CDH18: variants seen among roughly 807,000 people sequenced by gnomAD.
The protein encoded by CDH18 is cadherin-18.
A neutral mutation model predicts 67.9 loss-of-function variants in CDH18; 31 were observed. The observed-to-expected ratio is 0.46, with a 90% confidence interval of 0.34 to 0.62. The LOEUF is 0.62. Among genes scored for constraint, CDH18 ranks in the 20% least tolerant of loss-of-function variants. CDH18 has a pLI of 0.01. For synonymous variants in CDH18, 362 were observed against 347.2 expected (o/e 1.04, Z -0.48); for missense variants, 890 against 975.5 (o/e 0.91, Z 1.17).
At chr5:19,692,928 A>G (rs552697467) in intron 5 of CDH18, among the ~76,000 whole-genome samples, 1 of 152,138 alleles carries the variant, frequency 6.6e-6, no homozygotes, top group Admixed American at 6.6e-5. Flanking sequence ...TATCAAAGGT[A>G]TAACTACACC....
chr5:19,487,269 T>C (rs1259800519), intron 11 of CDH18, among the ~76,000 whole-genome samples: 1 of 152,154 alleles, frequency 6.6e-6, no homozygotes, highest in Non-Finnish European at 1.5e-5. Context: ...TATAGACATA[T>C]AGCCATAAGT....
intron 5 of CDH18, among the ~76,000 whole-genome samples, chr5:19,627,994 G>A (rs965775903): frequency 1.3e-5 from 2 of 152,124 alleles, no homozygotes; most frequent in African/African-American, 4.8e-5. Flanking sequence ...TTGAGCAGAG[G>A]AGTGATGATA....
intron 5 of CDH18, among the ~76,000 whole-genome samples, chr5:19,683,005 C>A (rs982920732): frequency 6.6e-6 from 1 of 151,712 alleles, no homozygotes; most frequent in Non-Finnish European, 1.5e-5. Context: ...AAGTTCTTTC[C>A]TTTTTTATAG....
chr5:20,528,493 C>T (rs1261749413), intron 1 of CDH18, among the ~76,000 whole-genome samples: 8 of 152,000 alleles, frequency 5.3e-5, no homozygotes, highest in East Asian at 3.9e-4. Context: ...AAATTGATCA[C>T]GTAATTGGAG....
chr5:19,811,075 A>G, intron 3 of CDH18, among the ~76,000 whole-genome samples: 1 of 141,458 alleles, frequency 7.1e-6, no homozygotes, highest in Non-Finnish European at 1.5e-5. Flanking sequence ...AGGGAGAAAG[A>G]GAAAAAGAAA....
At chr5:19,528,415 T>A (rs868678573) in intron 9 of CDH18, among the ~76,000 whole-genome samples, 1 of 151,678 alleles carries the variant, frequency 6.6e-6, no homozygotes, top group South Asian at 2.1e-4. Context: ...TAATAAAAAT[T>A]TCCTTATCAG....
chr5:19,583,293 G>T (rs1057006337), intron 7 of CDH18, among the ~76,000 whole-genome samples: 6 of 151,922 alleles, frequency 3.9e-5, no homozygotes, highest in African/African-American at 1.4e-4. Flanking sequence ...ACATTCAGAA[G>T]TTATAGAAAT....
chr5:19,811,184 A>T (rs910761024), intron 3 of CDH18, among the ~76,000 whole-genome samples: 1 of 150,224 alleles, frequency 6.7e-6, no homozygotes, highest in Admixed American at 6.7e-5. Flanking sequence ...GAGAAGAAAG[A>T]GGGAGAGAAA....
chr5:20,142,298 GC>G, intron 2 of CDH18, among the ~76,000 whole-genome samples: 1 of 152,036 alleles, frequency 6.6e-6, no homozygotes, highest in Non-Finnish European at 1.5e-5. Flanking sequence ...AGCTAATCCA[GC>G]CCAGTTGTGG....
intron 1 of CDH18, among the ~76,000 whole-genome samples, chr5:20,281,075 C>T (rs28843718): frequency 0.12 from 17,812 of 151,802 alleles, 1,578 homozygotes; most frequent in African/African-American, 0.24. Context: ...TCTTGTAAAT[C>T]TGTTTGAGTT....
At chr5:20,118,742 T>G (rs895042455) in intron 2 of CDH18, among the ~76,000 whole-genome samples, 30 of 152,260 alleles carry the variant, frequency 2.0e-4, no homozygotes, top group Admixed American at 3.3e-4. Flanking sequence ...TTTTGCCCAC[T>G]GGCCCAGCCT....
intron 2 of CDH18, among the ~76,000 whole-genome samples, chr5:20,184,413 T>C (rs929779533): frequency 6.6e-6 from 1 of 152,110 alleles, no homozygotes; most frequent in Non-Finnish European, 1.5e-5. Context: ...CCTATTTTGT[T>C]TTATTTTTGT....
At chr5:19,586,888 AT>A (rs1211195872) in intron 7 of CDH18, among the ~76,000 whole-genome samples, 1 of 152,130 alleles carries the variant, frequency 6.6e-6, no homozygotes, top group East Asian at 1.9e-4. Flanking sequence ...TGACTTTTTA[AT>A]AAAAGCCATT....
At chr5:19,984,414 T>G (rs2150370155) in intron 1 of CDH18, among the ~76,000 whole-genome samples, 1 of 152,170 alleles carries the variant, frequency 6.6e-6, no homozygotes, top group South Asian at 2.1e-4. Flanking sequence ...AGAAAAAAAT[T>G]GAGGTGTATT....
intron 1 of CDH18, among the ~76,000 whole-genome samples, chr5:20,411,655 G>GA (rs371478816): frequency 1.4e-3 from 201 of 141,988 alleles, no homozygotes; most frequent in African/African-American, 3.7e-3. Context: ...TCAACAAAGT[G>GA]AAAAAAAAAA....
intron 2 of CDH18, among the ~76,000 whole-genome samples, chr5:20,203,370 T>G (rs1397692735): frequency 6.6e-6 from 1 of 152,172 alleles, no homozygotes; most frequent in Non-Finnish European, 1.5e-5. Flanking sequence ...TCATGGCAGT[T>G]GTTCCACAGC....
At chr5:19,820,542 C>A (rs1334080429) in intron 3 of CDH18, among the ~76,000 whole-genome samples, 2 of 152,210 alleles carry the variant, frequency 1.3e-5, no homozygotes, top group Admixed American at 6.5e-5. Context: ...TTTGACTCTG[C>A]CAAACTCAGA....
At chr5:20,180,328 C>T (rs1737583797) in intron 2 of CDH18, among the ~76,000 whole-genome samples, 1 of 152,132 alleles carries the variant, frequency 6.6e-6, no homozygotes, top group Admixed American at 6.6e-5. Context: ...AGGTTTAAGG[C>T]ATACTCCCTT....
intron 2 of CDH18, chr5:20,158,851 A>T (rs1201605429): frequency 5.0e-6 from 1 of 199,676 alleles, no homozygotes; most frequent in East Asian, 1.3e-4. Flanking sequence ...AATCATCATT[A>T]GCCAACTGCA....
Sources: allele counts gnomAD v4.1 joint callset (sites outside exome capture counted in the v4.1 genomes callset), GRCh38; gene constraint gnomAD v4.1.1; transcripts MANE v1.5; gene names NCBI Gene and HGNC (gene_info 2026-07-23, HGNC 2026-07-21).